KIAA0586: variants seen among roughly 807,000 people sequenced by gnomAD.
KIAA0586 encodes KIAA0586.
KIAA0586 carries 144 observed loss-of-function variants against 169.8 expected under a neutral mutation model. That is an observed-to-expected ratio of 0.85 (90% CI 0.74 to 0.97). The LOEUF is 0.97. Among genes scored for constraint, KIAA0586 ranks in the 50% least tolerant of loss-of-function variants. The probability of loss-of-function intolerance (pLI) is 0.00; values close to 1 mark genes in which losing one functional copy is unlikely to be tolerated. For missense variants in KIAA0586, 1,854 were observed against 1,823.0 expected, an observed-to-expected ratio of 1.02 and a Z score of -0.31; for synonymous variants, 625 against 612.4, an observed-to-expected ratio of 1.02 and a Z score of -0.30.
chr14:58,552,959 A>G (rs2047224532), downstream of KIAA0586, among the ~76,000 whole-genome samples: 1 of 152,230 alleles, frequency 6.6e-6, no homozygotes, highest in African/African-American at 2.4e-5. Context: ...TTATAAGTAA[A>G]TATGTAAATT....
At chr14:58,531,163 A>AAAAAATGTAC (rs2045938881) in intron 29 of KIAA0586, among the ~76,000 whole-genome samples, 2 of 127,388 alleles carry the variant, frequency 1.6e-5, no homozygotes. Context: ...TAAAATGTAC[A>AAAAAATGTAC]AAAAAAAAAA....
Position 58,488,682 on chromosome 14 carries a change from C to T in KIAA0586, c.3589C>T (p.Pro1197Ser), listed in dbSNP as rs1439146870. Residue 1197 changes from proline to serine, a missense_variant, in exon 24 of 31, where the codon CCT becomes TCT. Transcript: ENST00000652326. ...ESMDFPAQPP[P>S]PEPVPFMPFP... ...TATGGATTTCCCTGCTCAGCCTCCA[C>T]CTCCAGAGCCAGTTCCCTTTATGCC... 1.2e-6 allele frequency: 2 copies of T among 1,613,886 alleles called. No individual in the cohort carries two copies. Among genetic ancestry groups the T allele is most frequent in the Middle Eastern group, 1.6e-4 (1 of 6,062 alleles).
chr14:58,443,300 A>G (rs1307606283), intron 5 of KIAA0586, among the ~76,000 whole-genome samples: 1 of 152,266 alleles, frequency 6.6e-6, no homozygotes, highest in Non-Finnish European at 1.5e-5. Context: ...AGCCAAAACT[A>G]GAACTCAAGG....
the KIAA0586 span, among the ~76,000 whole-genome samples, chr14:58,557,414 G>A: frequency 6.6e-6 from 1 of 152,194 alleles, no homozygotes; most frequent in Non-Finnish European, 1.5e-5. Flanking sequence ...ACAGAGAAAT[G>A]CTGAGTGCTG....
intron 29 of KIAA0586, among the ~76,000 whole-genome samples, chr14:58,533,609 C>A (rs2046114281): frequency 1.3e-5 from 2 of 152,140 alleles, no homozygotes; most frequent in Non-Finnish European, 2.9e-5. Flanking sequence ...AGACTGTTTT[C>A]ACAGCCAACA....
rs376320678 is a variant in KIAA0586 at position 58,512,506 on chromosome 14, A to G, written c.4324-16A>G. On this transcript the variant is annotated splice_polypyrimidine_tract_variant and intron_variant, in intron 28 of 30. Coordinates refer to ENST00000652326, the MANE Select transcript of KIAA0586 (RefSeq NM_001329943.3). Reference sequence around the variant, plus strand: ...CTAAAAAATAATATTATGACTTCATATCTTAAATTATTTAGTACCAACTAA... The same window carrying G: ...CTAAAAAATAATATTATGACTTCATGTCTTAAATTATTTAGTACCAACTAA... The G allele has an allele frequency of 6.0e-6, 8 of 1,326,606 alleles. 1 individual carries two copies. The allele number at this position is 1,326,606 out of a possible 1,614,324, so 82.2% of individuals were successfully genotyped here.
chr14:58,432,263 A>G, intron 3 of KIAA0586, 125 bp from the exon 4 acceptor site: 1 of 606,854 alleles, frequency 1.6e-6, no homozygotes. Context: ...GTCCTTTTCG[A>G]TCGTGGAATG....
At chr14:58,555,762 G>A (rs948821904), downstream of KIAA0586, among the ~76,000 whole-genome samples, 1 of 152,170 alleles carries the variant, frequency 6.6e-6, no homozygotes, top group African/African-American at 2.4e-5. Context: ...GCTTTATGAA[G>A]AAAATGTCTC....
At chr14:58,475,881 C>T (rs1199233997) in intron 19 of KIAA0586, among the ~76,000 whole-genome samples, 4 of 152,156 alleles carry the variant, frequency 2.6e-5, no homozygotes, top group Admixed American at 6.5e-5. Flanking sequence ...GAGTGGATCA[C>T]CTGAGGTCAG....
rs149751065 is a variant in KIAA0586, at chr14:58,548,282, C to T, written c.*350C>T. 169 of 178,092 alleles carry T rather than the reference C, an allele frequency of 9.5e-4. No homozygotes were observed. The highest frequency in any genetic ancestry group is 3.2e-3 in the African/African-American group (137 of 42,322). The allele number at this position is 178,092 out of a possible 1,614,324, so 11.0% of individuals were successfully genotyped here. Reference sequence around the variant, plus strand: ...GTTATTCATTCTAACATTTTTATAACAGCAAATAGAAAAAATCAAATGTCT... The same window carrying T: ...GTTATTCATTCTAACATTTTTATAATAGCAAATAGAAAAAATCAAATGTCT... On this transcript the variant is annotated 3_prime_UTR_variant, in exon 31 of 31. Transcript: ENST00000652326.
At chr14:58,447,304 T>C (rs1436435254) in intron 6 of KIAA0586, among the ~76,000 whole-genome samples, 2 of 152,102 alleles carry the variant, frequency 1.3e-5, no homozygotes, top group Non-Finnish European at 2.9e-5. Context: ...TTATTACTCA[T>C]TGCATGCCTG....
intron 29 of KIAA0586, chr14:58,521,722 A>G: frequency 3.5e-6 from 3 of 859,280 alleles, no homozygotes; most frequent in Non-Finnish European, 4.0e-6. Flanking sequence ...ACCTAGAAGA[A>G]AATTGAAAAG....
At chr14:58,517,959 G>A (rs1423199174) in intron 29 of KIAA0586, among the ~76,000 whole-genome samples, 1 of 152,202 alleles carries the variant, frequency 6.6e-6, no homozygotes, top group Admixed American at 6.5e-5. Flanking sequence ...GAACAGGTCA[G>A]TGGTTGCCTT....
At chr14:58,525,830 A>G (rs1392155366) in intron 29 of KIAA0586, among the ~76,000 whole-genome samples, 1 of 152,232 alleles carries the variant, frequency 6.6e-6, no homozygotes, top group Non-Finnish European at 1.5e-5. Flanking sequence ...TCTCACTGCC[A>G]GCACAGCAGT....
intron 4 of KIAA0586, chr14:58,441,108 T>G (rs78461410): frequency 0.022 from 3 of 134 alleles, no homozygotes; most frequent in African/African-American, 0.024. Context: ...ATATATACAA[T>G]TTTTTTTCAA....
At chr14:58,493,585 T>G (rs1292434222) in intron 26 of KIAA0586, among the ~76,000 whole-genome samples, 3 of 152,176 alleles carry the variant, frequency 2.0e-5, no homozygotes, top group African/African-American at 7.2e-5. Flanking sequence ...GTTTTTATTT[T>G]TAAAACTTTA....
chr14:58,442,216 TCTC>T (rs1304304063), intron 4 of KIAA0586, among the ~76,000 whole-genome samples: 2 of 151,930 alleles, frequency 1.3e-5, no homozygotes, highest in African/African-American at 4.8e-5. Flanking sequence ...TTCTAGTAAT[TCTC>T]CTGCCTCAGC....
At chr14:58,439,135 C>T (rs895202146) in intron 4 of KIAA0586, among the ~76,000 whole-genome samples, 1 of 152,152 alleles carries the variant, frequency 6.6e-6, no homozygotes, top group South Asian at 2.1e-4. Flanking sequence ...ATAAATAGTT[C>T]TATGACAGTG....
At chr14:58,496,610 A>G (rs2043173722) in intron 26 of KIAA0586, among the ~76,000 whole-genome samples, 1 of 152,228 alleles carries the variant, frequency 6.6e-6, no homozygotes, top group African/African-American at 2.4e-5. Flanking sequence ...ATAAGGAGAG[A>G]TAGAGATGTA....
Sources: allele counts gnomAD v4.1 joint callset (sites outside exome capture counted in the v4.1 genomes callset), GRCh38; gene constraint gnomAD v4.1.1; transcripts MANE v1.5; gene names NCBI Gene and HGNC (gene_info 2026-07-23, HGNC 2026-07-21).